MPPED1: variants seen among roughly 807,000 people sequenced by gnomAD.
MPPED1 encodes the protein metallophosphoesterase domain-containing protein 1.
A neutral mutation model predicts 36.2 loss-of-function variants in MPPED1; 16 were observed. The observed-to-expected ratio is 0.44, with a 90% CI of 0.30 to 0.67. MPPED1 has a LOEUF of 0.67. Among genes scored for constraint, MPPED1 ranks in the 30% least tolerant of loss-of-function variants. The pLI is 0.10. For missense variants in MPPED1, 307 were observed against 453.4 expected, an observed-to-expected ratio of 0.68 and a Z score of 2.93; for synonymous variants, 199 against 191.3, an observed-to-expected ratio of 1.04 and a Z score of -0.33.
chr22:43,487,698 G>T (rs1276918767), intron 4 of MPPED1, among the ~76,000 whole-genome samples: 2 of 152,200 alleles, frequency 1.3e-5, no homozygotes, highest in Admixed American at 1.3e-4. Context: ...GGCACCCCAG[G>T]AATTGTCTGT....
intron 3 of MPPED1, among the ~76,000 whole-genome samples, chr22:43,468,602 C>CT: frequency 6.6e-6 from 1 of 152,312 alleles, no homozygotes; most frequent in East Asian, 1.9e-4. Flanking sequence ...GTCTCTTCCC[C>CT]TTTCTGAGCT....
At chr22:43,450,331 ACT>A (rs1295597562) in intron 3 of MPPED1, among the ~76,000 whole-genome samples, 1 of 151,674 alleles carries the variant, frequency 6.6e-6, no homozygotes, top group Admixed American at 6.6e-5. Context: ...GAAGGTCATC[ACT>A]CCCCTGTGCC....
At chr22:43,500,709 G>A (rs975116931) in intron 5 of MPPED1, among the ~76,000 whole-genome samples, 1 of 152,030 alleles carries the variant, frequency 6.6e-6, no homozygotes, top group East Asian at 1.9e-4. Flanking sequence ...GGTGACACTG[G>A]TCCAGGATAA....
chr22:43,495,533 G>A (rs1261301223), intron 4 of MPPED1, among the ~76,000 whole-genome samples: 15 of 107,784 alleles, frequency 1.4e-4, no homozygotes, highest in Admixed American at 2.9e-4. Context: ...GGTGGTGGTG[G>A]TGGAGATGGT....
At chr22:43,472,794 TAGAC>T (rs1931420641) in intron 3 of MPPED1, among the ~76,000 whole-genome samples, 2 of 152,352 alleles carry the variant, frequency 1.3e-5, no homozygotes, top group Admixed American at 1.3e-4. Flanking sequence ...GGCACGTGGT[TAGAC>T]AGACGGCACA....
chr22:43,435,458 T>G (rs907457255), intron 3 of MPPED1, among the ~76,000 whole-genome samples: 156 of 152,290 alleles, frequency 1.0e-3, no homozygotes, highest in African/African-American at 3.6e-3. Flanking sequence ...GTGGGATTTT[T>G]TTTTTTGGCC....
rs113851840 is a variant in MPPED1, at chr22:43,460,138, C to T, written c.407-14598C>T. ...AGAAGATTTGCTTGAACCTGGGAGG[C>T]GGAGGTTGCAGTGAGCCAAGATTGC... On this transcript the variant is annotated intron_variant, in intron 3 of 6. Transcript: ENST00000443721. 9.6e-3 allele frequency among the ~76,000 whole-genome samples: 1,458 copies of T among 151,718 alleles called. 17 individuals are homozygous for T. Among genetic ancestry groups the T allele is most frequent in the Middle Eastern group, 0.041 (12 of 294 alleles).
At chr22:43,427,734 TCA>T (rs1453568382) in intron 2 of MPPED1, among the ~76,000 whole-genome samples, 1 of 152,100 alleles carries the variant, frequency 6.6e-6, no homozygotes, top group African/African-American at 2.4e-5. Context: ...GCTTGGTGCC[TCA>T]GTTTCGCCAA....
intron 2 of MPPED1, among the ~76,000 whole-genome samples, chr22:43,429,503 T>C (rs1929599672): frequency 6.6e-6 from 1 of 152,256 alleles, no homozygotes; most frequent in Non-Finnish European, 1.5e-5. Context: ...CTTTTTGCCC[T>C]GTGAGCACTG....
intron 3 of MPPED1, among the ~76,000 whole-genome samples, chr22:43,465,483 G>T (rs1027390275): frequency 5.3e-5 from 8 of 152,242 alleles, no homozygotes; most frequent in African/African-American, 1.4e-4. Flanking sequence ...TGTTGAGTGT[G>T]TACTTATCAC....
chr22:43,435,945 G>A (rs1929943311), intron 3 of MPPED1, among the ~76,000 whole-genome samples: 2 of 152,204 alleles, frequency 1.3e-5, no homozygotes, highest in South Asian at 2.1e-4. Flanking sequence ...CAGGGTAGGT[G>A]CTCAGCTGGT....
chr22:43,463,811 C>CTTTCTTTCTTTTTTTTTTT (rs1263255803), intron 3 of MPPED1, among the ~76,000 whole-genome samples: 4 of 24,210 alleles, frequency 1.7e-4, no homozygotes, highest in East Asian at 8.8e-4. Flanking sequence ...TTTTTCTTTT[C>CTTTCTTTCTTTTTTTTTTT]TTTCTTTCTT....
At chr22:43,424,466 G>A (rs1283527421) in intron 1 of MPPED1, among the ~76,000 whole-genome samples, 1 of 152,170 alleles carries the variant, frequency 6.6e-6, no homozygotes, top group African/African-American at 2.4e-5. Context: ...GTCTGTGGAG[G>A]ATGGGGGAGG....
chr22:43,467,928 T>C (rs6519376), intron 3 of MPPED1, among the ~76,000 whole-genome samples: 6,812 of 152,202 alleles, frequency 0.045, 518 homozygotes, highest in African/African-American at 0.16. Context: ...TTAAATGGGA[T>C]GGGTAAGTGT....
intron 1 of MPPED1, chr22:43,417,781 G>A (rs1212000183): frequency 1.4e-5 from 4 of 277,964 alleles, no homozygotes; most frequent in Admixed American, 4.6e-5. Context: ...CTGAGCCACC[G>A]GCCTGAAGAC....
At position 43,463,811 on chromosome 22, in the gene MPPED1, CTTTCTTT is replaced by C. The variant is rs1931045533; in HGVS notation, c.407-10924_407-10918del. ...TGGTTGATTTTTCATTTTTTCTTTT[CTTTCTTT>C]CTTTCTTTCTTTCTTTCTTTCTTTC... On this transcript the variant is annotated intron_variant, in intron 3 of 6. Transcript: ENST00000443721. 8.3e-5 allele frequency among the ~76,000 whole-genome samples: 2 copies of C among 24,210 alleles called. 1 individual carries two copies. Among genetic ancestry groups the C allele is most frequent in the Non-Finnish European group, 1.7e-4 (2 of 11,782 alleles). The allele number at this position is 24,210 out of a possible 152,430, so 15.9% of individuals were successfully genotyped here. A position where few individuals can be genotyped will look rare whatever the true frequency, so the allele number is the denominator to read the frequency against.
intron 1 of MPPED1, among the ~76,000 whole-genome samples, chr22:43,416,101 G>T (rs926556369): frequency 6.6e-6 from 1 of 152,158 alleles, no homozygotes; most frequent in Non-Finnish European, 1.5e-5. Flanking sequence ...CTGACAAAGC[G>T]CTTTTTAGTG....
Position 43,431,021 on chromosome 22 carries a change from A to ATTTTTTTTT in MPPED1, c.225-3982_225-3974dup, listed in dbSNP as rs135076. Among the ~76,000 whole-genome samples the ATTTTTTTTT allele has an allele frequency of 3.5e-4, 15 of 42,300 alleles. 1 individual carries two copies. Among genetic ancestry groups the ATTTTTTTTT allele is most frequent in the African/African-American group, 9.8e-4 (15 of 15,272 alleles). 27.8% of individuals were successfully genotyped at this position (42,300 alleles called of 152,430 possible). A position where few individuals can be genotyped will look rare whatever the true frequency, so the allele number is the denominator to read the frequency against. On this transcript the variant is annotated intron_variant, in intron 2 of 6. Transcript: ENST00000443721. Reference sequence around the variant, plus strand: ...CTGTCTCTTTCTACTGTTGTTGTTAATTTTTTTTTTTTTTTTTTTTTTTTT... The same window carrying ATTTTTTTTT: ...CTGTCTCTTTCTACTGTTGTTGTTAATTTTTTTTTTTTTTTTTTTTTTTTTTTTTTTTTT...
intron 1 of MPPED1, among the ~76,000 whole-genome samples, chr22:43,421,136 T>C (rs1929258945): frequency 6.6e-6 from 1 of 152,234 alleles, no homozygotes. Flanking sequence ...CTGTGCTGTT[T>C]TGAGGACCGG....
Sources: allele counts gnomAD v4.1 joint callset (sites outside exome capture counted in the v4.1 genomes callset), GRCh38; gene constraint gnomAD v4.1.1; transcripts MANE v1.5; gene names NCBI Gene and HGNC (gene_info 2026-07-23, HGNC 2026-07-21).